Variants in DPF2 observed in about 807,000 individuals in gnomAD.
DPF2 encodes zinc finger protein ubi-d4.
A neutral mutation model predicts 59.6 loss-of-function variants in DPF2; 10 were observed. That is an observed-to-expected ratio of 0.17 (90% CI 0.10 to 0.28). The LOEUF is 0.28. Ranked by LOEUF, DPF2 falls within the 10% of genes least tolerant of loss-of-function variation. The pLI is 1.00. For missense variants in DPF2, 315 were observed against 509.4 expected (o/e 0.62, Z 3.67); for synonymous variants, 189 against 190.6 (o/e 0.99, Z 0.07).
At chr11:65,335,339 C>A (rs1950081722) in intron 1 of DPF2, among the ~76,000 whole-genome samples, 1 of 152,142 alleles carries the variant, frequency 6.6e-6, no homozygotes, top group Non-Finnish European at 1.5e-5. Context: ...GGATGTTTTA[C>A]ACAGGTTTCT....
intron 1 of DPF2, among the ~76,000 whole-genome samples, chr11:65,338,413 G>T (rs1478241349): frequency 6.6e-6 from 1 of 152,084 alleles, no homozygotes; most frequent in Admixed American, 6.5e-5. Flanking sequence ...TTCATTCCCC[G>T]CAAAACTGTT....
In DPF2 at chr11:65,343,796, G is replaced by A; in HGVS notation, c.517G>A (p.Glu173Lys). 6.3e-7 allele frequency: 1 copy of A among 1,595,568 alleles called. No homozygotes were observed. The highest frequency in any genetic ancestry group is 8.5e-7 in the Non-Finnish European group (1 of 1,170,960). The change falls in exon 5 of 11, where the codon GAA (glutamate) becomes AAA (lysine). Residue 173 changes from glutamate to lysine, a missense_variant. Glu to Lys is a moderately conservative substitution (Grantham distance 56). Around this residue, in one of 4 missense-constraint regions of DPF2, gnomAD observed 228 missense variants for 275.3 expected, o/e 0.83. Transcript: ENST00000528416. The part of the protein sequence containing the change: ...FLDDLDDEDY[E>K]EDTPKRRGKG... ...GGATGACCTCGATGATGAAGACTAT[G>A]AAGAAGATACTCCCAAGCGTCGGGG...
chr11:65,344,302 G>A (rs996745668), intron 6 of DPF2: 2 of 616,724 alleles, frequency 3.2e-6, no homozygotes, highest in Non-Finnish European at 2.8e-6. Context: ...GGGTAGGGTT[G>A]CTTGTGGGGG....
chr11:65,343,925 C>A (rs1041733648), intron 5 of DPF2, 66 bp from the exon 6 acceptor site: 5 of 1,609,384 alleles, frequency 3.1e-6, no homozygotes, highest in Admixed American at 1.7e-5. Context: ...GCGGCCACTT[C>A]CAAAAGAGTC....
rs1364632741 is a variant in DPF2 at position 65,353,904 on chromosome 11, G to A, written c.*2145G>A. Among the ~76,000 whole-genome samples, 1 of 152,220 alleles carries A rather than the reference G, an allele frequency of 6.6e-6. No individual in the cohort carries two copies. Among genetic ancestry groups the A allele is most frequent in the Non-Finnish European group, 1.5e-5 (1 of 68,046 alleles). On this transcript the variant is annotated 3_prime_UTR_variant, in exon 11 of 11. Transcript: ENST00000528416. Reference sequence around the variant, plus strand: ...GGAGTACAGCAATGGATGCGCTTTGGCAGCTGAGTAGTCCGAGAGCCAGAA... The same window carrying A: ...GGAGTACAGCAATGGATGCGCTTTGACAGCTGAGTAGTCCGAGAGCCAGAA...
chr11:65,337,667 A>G (rs1252958792), intron 1 of DPF2, among the ~76,000 whole-genome samples: 1 of 151,104 alleles, frequency 6.6e-6, no homozygotes, highest in African/African-American at 2.4e-5. Flanking sequence ...GCAGTGGTAT[A>G]ACCTTGGTTT....
At chr11:65,349,867 T>A (rs1358259126) in intron 10 of DPF2, among the ~76,000 whole-genome samples, 1 of 151,688 alleles carries the variant, frequency 6.6e-6, no homozygotes, top group Non-Finnish European at 1.5e-5. Flanking sequence ...GAGCTGTTAC[T>A]GTGCACAAAG....
intron 1 of DPF2, 27 bp from the exon 2 acceptor site, chr11:65,340,358 C>G (rs1370294054): frequency 6.2e-7 from 1 of 1,611,846 alleles, no homozygotes; most frequent in South Asian, 1.1e-5. Context: ...CTCCAACATA[C>G]ACGCCTGATT....
chr11:65,341,735 G>T (rs1182070440), intron 4 of DPF2, 173 bp downstream of exon 4: 3 of 797,560 alleles, frequency 3.8e-6, no homozygotes, highest in Non-Finnish European at 5.8e-6. Flanking sequence ...TGGCTTCTCT[G>T]TTGCTTCTAA....
intron 9 of DPF2, chr11:65,347,161 C>G (rs1222831349): frequency 1.3e-5 from 2 of 150,880 alleles, no homozygotes; most frequent in Non-Finnish European, 3.0e-5. Flanking sequence ...ATTACAGACA[C>G]GTGCCACCAC....
chr11:65,350,374 C>CTTTTTTTTTTTTTTTTTTTTT (rs529951680), intron 10 of DPF2, among the ~76,000 whole-genome samples: 1 of 128,760 alleles, frequency 7.8e-6, no homozygotes, highest in African/African-American at 3.0e-5. Context: ...TTCTTTCTTT[C>CTTTTTTTTTTTTTTTTTTTTT]TTTTTTTTTT....
rs1854304208 is a variant in DPF2, at chr11:65,339,575, A to G, written c.33-810A>G. ...CTCAATAAAAGCTTCAAGGAACTTC[A>G]GGTACTTGTAGACATCTTCCATAAA... is the stretch of plus-strand genomic sequence containing the variant. On this transcript the variant is annotated intron_variant, in intron 1 of 10. Coordinates refer to ENST00000528416, the MANE Select transcript of DPF2 (RefSeq NM_006268.5). Among the ~76,000 whole-genome samples the G allele has an allele frequency of 1.3e-5, 2 of 152,340 alleles. 1 individual carries two copies. The highest frequency in any genetic ancestry group is 4.1e-4 in the South Asian group (2 of 4,832).
rs1353625870 is a variant in DPF2 at position 65,344,050 on chromosome 11, T to C, written c.618T>C (p.Asp206=). The C allele has an allele frequency of 6.2e-7, 1 of 1,614,230 alleles. No homozygotes were observed. Among genetic ancestry groups the C allele is most frequent in the South Asian group, 1.1e-5 (1 of 91,082 alleles). ...KLDASILEDR[D]KPYACDICGK... ...ATGCTTCCATCCTGGAGGACCGGGA[T>C]AAGCCCTATGCCTGTGACAGTGAGT... The change falls in exon 6 of 11, where the codon GAT becomes GAC. Residue 206 remains aspartate, a synonymous_variant. Coordinates refer to ENST00000528416, the MANE Select transcript of DPF2 (RefSeq NM_006268.5).
chr11:65,339,544 A>G (rs974824379), intron 1 of DPF2, among the ~76,000 whole-genome samples: 1 of 152,204 alleles, frequency 6.6e-6, no homozygotes, highest in Non-Finnish European at 1.5e-5. Context: ...CTTATGAGTG[A>G]TGGTGCTCAA....
chr11:65,346,344 C>T lies in DPF2; in HGVS notation c.1002C>T (p.Gly334=). ...AGTGCAAATGTTGCAATATCTGCGG[C>T]ACCTCCGAGAATGACGTGTGTATCC... ...CIECKCCNIC[G]TSENDDQLLF... is the part of the protein sequence containing the mutation. Residue 334 remains glycine, a synonymous_variant, in exon 9 of 11, where the codon GGC becomes GGT. Transcript: ENST00000528416. The T allele has an allele frequency of 3.7e-6, 6 of 1,612,208 alleles. No homozygotes were observed. Among genetic ancestry groups the T allele is most frequent in the Non-Finnish European group, 5.1e-6 (6 of 1,179,838 alleles).
chr11:65,335,051 CTAAG>C (rs1950077787), intron 1 of DPF2, among the ~76,000 whole-genome samples: 1 of 149,374 alleles, frequency 6.7e-6, no homozygotes, highest in African/African-American at 2.5e-5. Context: ...TTCCATTAAG[CTAAG>C]TGCCTTTCCT....
At chr11:65,350,437 T>C (rs1318726459) in intron 10 of DPF2, among the ~76,000 whole-genome samples, 9 of 149,004 alleles carry the variant, frequency 6.0e-5, no homozygotes, top group Admixed American at 4.7e-4. Context: ...TGGAGTGGCA[T>C]GATCTCAGCT....
chr11:65,340,205 T>C (rs1408426100), intron 1 of DPF2, among the ~76,000 whole-genome samples, 180 bp from the exon 2 acceptor site: 1 of 152,194 alleles, frequency 6.6e-6, no homozygotes. Context: ...TAATTCCTCA[T>C]GATGGCCTAG....
chr11:65,344,248 G>A (rs942637551), intron 6 of DPF2, 179 bp downstream of exon 6: 19 of 657,106 alleles, frequency 2.9e-5, no homozygotes, highest in Admixed American at 1.9e-4. Context: ...GCTATATGAC[G>A]GGTGGGACCT....
Sources: gnomAD v4.1 joint callset for allele counts (sites outside exome capture counted in the v4.1 genomes callset) on GRCh38, gnomAD v4.1.1 for gene constraint, gnomAD v4.1.1 regional missense constraint, MANE v1.5 for transcripts, NCBI Gene and HGNC (gene_info 2026-07-23, HGNC 2026-07-21) for gene names.